Variants in SLC38A6 observed in about 807,000 individuals in gnomAD.
SLC38A6 encodes solute carrier family 38 member 6, also known as N system amino acid transporter NAT-1.
A neutral mutation model predicts 65.0 loss-of-function variants in SLC38A6; 73 were observed. The observed-to-expected ratio is 1.12, with a 90% confidence interval of 0.93 to 1.37. SLC38A6 has a LOEUF of 1.37. Among genes scored for constraint, SLC38A6 ranks in the 40% most tolerant of loss-of-function variants. The probability of loss-of-function intolerance (pLI) is 0.00; values close to 1 mark genes in which losing one functional copy is unlikely to be tolerated. For synonymous variants in SLC38A6, 183 were observed against 178.8 expected, an observed-to-expected ratio of 1.02 and a Z score of -0.19; for missense variants, 561 against 531.1, an observed-to-expected ratio of 1.06 and a Z score of -0.55.
intron 3 of SLC38A6, among the ~76,000 whole-genome samples, chr14:61,008,606 G>A (rs989786651): frequency 2.6e-5 from 4 of 152,200 alleles, no homozygotes; most frequent in Admixed American, 2.0e-4. Flanking sequence ...AGCATCACTA[G>A]TTAAAACATA....
At chr14:60,983,500 T>G (rs2037229083) in intron 2 of SLC38A6, among the ~76,000 whole-genome samples, 1 of 152,012 alleles carries the variant, frequency 6.6e-6, no homozygotes, top group South Asian at 2.1e-4. Context: ...AATAGAAAAA[T>G]CCTTTATAAC....
exon 17 of SLC38A6, chr14:61,083,569 G>C: frequency 6.4e-7 from 1 of 1,550,420 alleles, no homozygotes; most frequent in Admixed American, 2.0e-5. Context: ...AGATACCATG[G>C]AGATGTGCAC....
intron 1 of SLC38A6, chr14:60,981,770 C>A: frequency 1.6e-6 from 2 of 1,248,896 alleles, no homozygotes; most frequent in Non-Finnish European, 2.1e-6. Flanking sequence ...CCTCTTCCGA[C>A]TTAGTCATGG....
At chr14:61,066,252 G>A (rs1165231133) in intron 15 of SLC38A6, among the ~76,000 whole-genome samples, 2 of 152,156 alleles carry the variant, frequency 1.3e-5, no homozygotes, top group African/African-American at 4.8e-5. Context: ...GATGGAGGAT[G>A]AATAAAGATA....
chr14:61,062,920 C>G (rs1392600096), intron 15 of SLC38A6, among the ~76,000 whole-genome samples: 1 of 152,162 alleles, frequency 6.6e-6, no homozygotes, highest in Non-Finnish European at 1.5e-5. Flanking sequence ...CTCAAGTGAT[C>G]TGCCCGCCTC....
chr14:61,052,609 A>G lies in SLC38A6; in HGVS notation c.*180A>G. The G allele has an allele frequency of 1.3e-6, 1 of 769,866 alleles. No individual in the cohort carries two copies. The highest frequency in any genetic ancestry group is 1.8e-6 in the Non-Finnish European group (1 of 561,316). The allele number at this position is 769,866 out of a possible 1,614,324, so 47.7% of individuals were successfully genotyped here. Reference sequence around the variant, plus strand: ...GTGGCAGTTTTAATCAAAAAAAGAAACAAACTCGAAATGCTCTTAAATATA... The same window carrying G: ...GTGGCAGTTTTAATCAAAAAAAGAAGCAAACTCGAAATGCTCTTAAATATA... On this transcript the variant is annotated 3_prime_UTR_variant, in exon 16 of 16. Coordinates refer to ENST00000267488, the MANE Select transcript of SLC38A6 (RefSeq NM_153811.3).
At chr14:60,987,545 T>C (rs1041317601) in intron 3 of SLC38A6, 2 of 152,248 alleles carry the variant, frequency 1.3e-5, no homozygotes, top group Non-Finnish European at 2.9e-5. Flanking sequence ...CACTTCCTTC[T>C]TGGAATTGTT....
intron 3 of SLC38A6, among the ~76,000 whole-genome samples, chr14:61,005,241 A>T (rs2039006386): frequency 6.6e-6 from 1 of 151,200 alleles, no homozygotes; most frequent in East Asian, 1.9e-4. Flanking sequence ...AATGGGCAAA[A>T]ACTGGAAGCA....
chr14:61,008,392 A>G (rs1317068248), intron 3 of SLC38A6, among the ~76,000 whole-genome samples: 2 of 152,188 alleles, frequency 1.3e-5, no homozygotes. Flanking sequence ...TGATTATGAA[A>G]GTACCGAGGA....
At chr14:61,069,490 A>G (rs887462309) in intron 15 of SLC38A6, among the ~76,000 whole-genome samples, 6 of 151,948 alleles carry the variant, frequency 3.9e-5, no homozygotes, top group African/African-American at 1.5e-4. Flanking sequence ...TCTGTCTAGC[A>G]CTTGATTTGC....
intron 3 of SLC38A6, among the ~76,000 whole-genome samples, chr14:61,012,274 TTTC>T (rs1431665220): frequency 6.6e-6 from 1 of 152,164 alleles, no homozygotes; most frequent in Non-Finnish European, 1.5e-5. Context: ...TCTTCTCTCT[TTTC>T]TTCTGTATTA....
At chr14:61,047,736 G>A (rs527998004) in intron 12 of SLC38A6, among the ~76,000 whole-genome samples, 86 of 152,150 alleles carry the variant, frequency 5.7e-4, no homozygotes, top group Non-Finnish European at 1.0e-3. Context: ...TCATCATGTA[G>A]ATGGCATGTT....
At chr14:61,079,526 A>G (rs1684070082) in intron 16 of SLC38A6, among the ~76,000 whole-genome samples, 1 of 151,826 alleles carries the variant, frequency 6.6e-6, no homozygotes, top group African/African-American at 2.4e-5. Flanking sequence ...CTGTTTCCAC[A>G]CTCAACCTCC....
chr14:60,994,973 CAGCCTGGGCGACAG>C (rs2038174172), intron 3 of SLC38A6, among the ~76,000 whole-genome samples: 1 of 136,428 alleles, frequency 7.3e-6, no homozygotes, highest in Non-Finnish European at 1.5e-5. Context: ...CACTGCACTC[CAGCCTGGGCGACAG>C]AGCAAGACTC....
rs368631223 is a variant in SLC38A6, at chr14:61,010,654, T to A, written c.311-5250T>A. Among the ~76,000 whole-genome samples the A allele has an allele frequency of 1.3e-3, 201 of 152,268 alleles. 2 individuals are homozygous for A. Among genetic ancestry groups the A allele is most frequent in the Non-Finnish European group, 2.3e-3 (156 of 68,006 alleles). On this transcript the variant is annotated intron_variant, in intron 3 of 15. Transcript: ENST00000267488. ...TTAAATAGGGAATCCTTTCCCCATTTCCTGTTTTTCTCAGGTTTGTCAAAG... is the reference window on the plus strand; with the variant it reads ...TTAAATAGGGAATCCTTTCCCCATTACCTGTTTTTCTCAGGTTTGTCAAAG...
chr14:61,023,488 G>A lies in SLC38A6; in HGVS notation c.403+3908G>A, dbSNP rs542223666. On this transcript the variant is annotated intron_variant, in intron 5 of 15. Transcript: ENST00000267488. ...CTCAGGTGGCTGAGGCAGGAAAATC[G>A]TTTAAACCCGGTAGACGGAGGTTGC... Among the ~76,000 whole-genome samples the A allele has an allele frequency of 5.3e-5, 8 of 151,370 alleles. No individual in the cohort carries two copies. In the East Asian group the frequency reaches 7.8e-4, roughly 15 times the overall value.
At chr14:61,015,532 A>C (rs956726561) in intron 3 of SLC38A6, among the ~76,000 whole-genome samples, 2 of 152,246 alleles carry the variant, frequency 1.3e-5, no homozygotes, top group Non-Finnish European at 2.9e-5. Context: ...GAGATAGAGA[A>C]ACATAATAAA....
chr14:61,040,338 A>ATTTT (rs71114180), intron 8 of SLC38A6, among the ~76,000 whole-genome samples: 4 of 134,748 alleles, frequency 3.0e-5, no homozygotes, highest in African/African-American at 8.2e-5. Flanking sequence ...CGCCTGGATA[A>ATTTT]TTTTTTTTTT....
At chr14:61,064,539 ATTTTT>A (rs1203565538) in intron 15 of SLC38A6, among the ~76,000 whole-genome samples, 1 of 149,594 alleles carries the variant, frequency 6.7e-6, no homozygotes, top group East Asian at 2.0e-4. Context: ...GCAGGTATTC[ATTTTT>A]ATTTTACTTT....
Sources: allele counts gnomAD v4.1 joint callset (sites outside exome capture counted in the v4.1 genomes callset), GRCh38; gene constraint gnomAD v4.1.1; transcripts MANE v1.5; gene names NCBI Gene and HGNC (gene_info 2026-07-23, HGNC 2026-07-21).